The following NKAIN1 variants were observed in gnomAD, a reference collection of about 807,000 sequenced individuals.
The protein encoded by NKAIN1 is sodium/potassium-transporting ATPase subunit beta-1-interacting protein 1.
Under a neutral mutation model 31.6 loss-of-function variants are expected in NKAIN1, and 13 were observed. The observed-to-expected ratio is 0.41, with a 90% CI of 0.27 to 0.65. The LOEUF (loss-of-function observed/expected upper bound fraction) is 0.65. Among genes scored for constraint, NKAIN1 ranks in the 30% least tolerant of loss-of-function variants. NKAIN1 has a pLI of 0.30. For synonymous variants in NKAIN1, 104 were observed against 109.0 expected (o/e 0.95, Z 0.28); for missense variants, 193 against 262.2 (o/e 0.74, Z 1.82).
At chr1:31,225,033 C>CTTTTCTTTTTTTTTTTTTTTTTTTTT (rs542671307) in intron 1 of NKAIN1, among the ~76,000 whole-genome samples, 5 of 112,126 alleles carry the variant, frequency 4.5e-5, no homozygotes, top group African/African-American at 8.4e-5. Flanking sequence ...CTTTTCTTTT[C>CTTTTCTTTTTTTTTTTTTTTTTTTTT]TTTTTTTTTT....
At chr1:31,195,035 T>C (rs1014682037) in intron 1 of NKAIN1, among the ~76,000 whole-genome samples, 10 of 151,756 alleles carry the variant, frequency 6.6e-5, no homozygotes, top group African/African-American at 2.4e-4. Flanking sequence ...CCTCCCAAAG[T>C]GTTGGGATTA....
chr1:31,214,309 T>A (rs1168858626), intron 1 of NKAIN1, among the ~76,000 whole-genome samples: 1 of 151,148 alleles, frequency 6.6e-6, no homozygotes, highest in African/African-American at 2.4e-5. Context: ...TGCTAATGGG[T>A]TTGGGGGTCT....
At position 31,239,123 on chromosome 1, in the gene NKAIN1, C is replaced by A. The variant is rs1645713590; in HGVS notation, c.54+371G>T. Among the ~76,000 whole-genome samples the A allele has an allele frequency of 6.6e-6, 1 of 152,108 alleles. No individual in the cohort carries two copies. Among genetic ancestry groups the A allele is most frequent in the South Asian group, 2.1e-4 (1 of 4,826 alleles). ...TGCAAACGAGGGATCTAGAGGGAAACACACAGCAGGACCTCAACGGATCCA... is the reference window on the plus strand; with the variant it reads ...TGCAAACGAGGGATCTAGAGGGAAAAACACAGCAGGACCTCAACGGATCCA... On this transcript the variant is annotated intron_variant, in intron 1 of 6. Transcript: ENST00000373736. The surrounding 1 kb of genome is among the most constrained non-coding windows in gnomAD (Gnocchi z 4.8).
rs1645720761 is a variant in NKAIN1, at chr1:31,239,736, T to C, written c.-189A>G. ...GCCGGCCGCCCGCGCTCCGAGTCCA[T>C]GGTCCGTCCGTCCGCGCGCTGGCCC... On this transcript the variant is annotated 5_prime_UTR_variant, in exon 1 of 7. The change abolishes an upstream ATG in the 5' untranslated region. Coordinates refer to ENST00000373736, the MANE Select transcript of NKAIN1 (RefSeq NM_024522.3). This position sits in a 1 kb window ranked among gnomAD's most constrained non-coding sequence, Gnocchi z 4.8. 6.6e-6 allele frequency among the ~76,000 whole-genome samples: 1 copy of C among 150,666 alleles called. No homozygotes were observed. The highest frequency in any genetic ancestry group is 2.1e-4 in the South Asian group (1 of 4,814).
chr1:31,227,884 C>A (rs924395296), intron 1 of NKAIN1, among the ~76,000 whole-genome samples: 4 of 152,196 alleles, frequency 2.6e-5, no homozygotes, highest in African/African-American at 4.8e-5. Flanking sequence ...CTGGCCTGAA[C>A]CAGTGGGGTG....
At chr1:31,207,179 G>A (rs544451539) in intron 1 of NKAIN1, among the ~76,000 whole-genome samples, 114 of 152,260 alleles carry the variant, frequency 7.5e-4, no homozygotes, top group African/African-American at 2.6e-3. Flanking sequence ...TTAAAAGTAT[G>A]GCCTAGGAGC....
At chr1:31,226,320 A>AT (rs1454334184) in intron 1 of NKAIN1, among the ~76,000 whole-genome samples, 2 of 151,876 alleles carry the variant, frequency 1.3e-5, no homozygotes, top group African/African-American at 4.8e-5. Context: ...AGCAAAAAAA[A>AT]AAAAATCCTG....
rs1394229652 is a variant in NKAIN1, at chr1:31,181,854, A to C, written c.614+6T>G. 1 of 1,604,318 alleles carries C rather than the reference A, an allele frequency of 6.2e-7. No individual in the cohort carries two copies. The highest frequency in any genetic ancestry group is 2.2e-5 in the East Asian group (1 of 44,626). On this transcript the variant is annotated splice_donor_region_variant and intron_variant, in intron 6 of 6. Transcript: ENST00000373736. ...CTCCCCAAGCCAGCAGGGGGCCGTG[A>C]CCCACGTGTACAGAGGCTGCAGCTG...
intron 1 of NKAIN1, among the ~76,000 whole-genome samples, chr1:31,203,132 C>G (rs1189504950): frequency 6.9e-6 from 1 of 145,438 alleles, no homozygotes; most frequent in African/African-American, 2.6e-5. Context: ...ATTAGACAGG[C>G]ATGGTGGCTG....
chr1:31,181,952 G>C lies in NKAIN1; in HGVS notation c.533-11C>G, dbSNP rs2124159998. On this transcript the variant is annotated splice_polypyrimidine_tract_variant and intron_variant, in intron 5 of 6. Coordinates refer to ENST00000373736, the MANE Select transcript of NKAIN1 (RefSeq NM_024522.3). ...CGCCGATGAAGTCAACTGCGGAAGA[G>C]GGGCGGCGCATGTTAGGGATCGGCG... The C allele has an allele frequency of 6.2e-7, 1 of 1,602,638 alleles. No individual in the cohort carries two copies. Among genetic ancestry groups the C allele is most frequent in the Middle Eastern group, 1.7e-4 (1 of 6,050 alleles).
rs71569970 is a variant in NKAIN1, at chr1:31,218,068, C to CTTTCT, written c.54+21425_54+21426insAGAAA. Among the ~76,000 whole-genome samples, 65 of 132,964 alleles carry CTTTCT rather than the reference C, an allele frequency of 4.9e-4. 1 individual carries two copies. Among genetic ancestry groups the CTTTCT allele is most frequent in the East Asian group, 1.2e-3 (5 of 4,118 alleles). 87.2% of individuals were successfully genotyped at this position (132,964 alleles called of 152,430 possible). ...TCTTTCTTTCTTTCTTTCTTTCTTT[C>CTTTCT]TTTTTTTTTTTTGAGATGGAGTCTC... On this transcript the variant is annotated intron_variant, in intron 1 of 6. Coordinates refer to ENST00000373736, the MANE Select transcript of NKAIN1 (RefSeq NM_024522.3).
At chr1:31,237,965 G>T (rs1221613448) in intron 1 of NKAIN1, among the ~76,000 whole-genome samples, 2 of 152,280 alleles carry the variant, frequency 1.3e-5, no homozygotes, top group East Asian at 3.9e-4. Flanking sequence ...GGCATTTCAT[G>T]TTCCTCAAAG....
chr1:31,211,091 A>T (rs1216493428), intron 1 of NKAIN1, among the ~76,000 whole-genome samples: 4 of 152,254 alleles, frequency 2.6e-5, no homozygotes, highest in East Asian at 3.8e-4. Flanking sequence ...CCCTAAGATC[A>T]GGAACAAGAC....
At chr1:31,226,180 C>G (rs1446218931) in intron 1 of NKAIN1, among the ~76,000 whole-genome samples, 1 of 152,214 alleles carries the variant, frequency 6.6e-6, no homozygotes, top group East Asian at 1.9e-4. Context: ...GGTATAGAGA[C>G]GTCAAGCAAC....
In NKAIN1 at chr1:31,183,948, C is replaced by T. The variant is rs1645222891; in HGVS notation, c.340G>A (p.Gly114Ser). 1 of 1,614,044 alleles carries T rather than the reference C, an allele frequency of 6.2e-7. No homozygotes were observed. The highest frequency in any genetic ancestry group is 8.5e-7 in the Non-Finnish European group (1 of 1,180,036). The stretch of plus-strand genomic sequence containing the variant: ...TTCAGAACAGGTGTCACCAGGCAGC[C>T]TGGCCCATTCTCCATCCACCAGGAG... ...HRSWWMENGPGCLVTPVLNSR... is the reference protein window; with the variant it reads ...HRSWWMENGPSCLVTPVLNSR... Residue 114 changes from glycine (G) to serine (S), a missense_variant, in exon 4 of 7, where the codon GGC becomes AGC. Physicochemically the swap from Gly to Ser is moderately conservative, Grantham distance 56. Transcript: ENST00000373736.
intron 1 of NKAIN1, 150 bp from the exon 2 acceptor site, chr1:31,188,337 G>T: frequency 1.2e-6 from 1 of 820,220 alleles, no homozygotes; most frequent in Non-Finnish European, 1.9e-6. Context: ...CCAAAGGGAT[G>T]CTGGGGGGTC....
intron 1 of NKAIN1, among the ~76,000 whole-genome samples, chr1:31,204,198 T>G (rs1645406097): frequency 6.6e-6 from 1 of 152,110 alleles, no homozygotes; most frequent in Non-Finnish European, 1.5e-5. Context: ...TGGCTGGACC[T>G]TGGACCCAGG....
intron 1 of NKAIN1, among the ~76,000 whole-genome samples, chr1:31,205,444 A>G (rs4949361): frequency 0.71 from 107,864 of 151,756 alleles, 39,648 homozygotes; most frequent in Middle Eastern, 0.9. Context: ...GAGTAGCCAC[A>G]ACTACGGGCA....
chr1:31,222,204 G>A (rs1475999498), intron 1 of NKAIN1, among the ~76,000 whole-genome samples: 3 of 152,170 alleles, frequency 2.0e-5, no homozygotes, highest in Non-Finnish European at 2.9e-5. Context: ...GATTGCTTGC[G>A]CAGGCTGGGT....
Sources: allele counts gnomAD v4.1 joint callset (sites outside exome capture counted in the v4.1 genomes callset), GRCh38; gene constraint gnomAD v4.1.1; non-coding constraint Gnocchi (gnomAD v3.1); transcripts MANE v1.5; gene names NCBI Gene and HGNC (gene_info 2026-07-23, HGNC 2026-07-21).